Variants in PTPRG observed in about 807,000 individuals in gnomAD.
PTPRG encodes the protein protein tyrosine phosphatase receptor type G.
PTPRG carries 102 observed loss-of-function variants against 165.3 expected under a neutral mutation model. That is an observed-to-expected ratio of 0.62 (90% confidence interval 0.53 to 0.73). The LOEUF (loss-of-function observed/expected upper bound fraction) is 0.73, where lower values mean the gene tolerates loss of function less well. PTPRG is among the 30% of genes least tolerant of loss of function. The pLI is 0.00. For synonymous variants in PTPRG, 675 were observed against 669.5 expected (o/e 1.01, Z -0.13); for missense variants, 1,866 against 1,861.4 (o/e 1.00, Z -0.05).
At position 62,224,184 on chromosome 3, in the gene PTPRG, G is replaced by T. The variant is rs1700711554; in HGVS notation, c.2288+5201G>T. Among the ~76,000 whole-genome samples, 1 of 152,126 alleles carries T rather than the reference G, an allele frequency of 6.6e-6. No individual in the cohort carries two copies. Among genetic ancestry groups the T allele is most frequent in the Non-Finnish European group, 1.5e-5 (1 of 68,020 alleles). On this transcript the variant is annotated intron_variant, in intron 13 of 29. Transcript: ENST00000474889. This position sits in a 1 kb window ranked among gnomAD's most constrained non-coding sequence, Gnocchi z 4.9. ...GACCCCACTCCCACCCGCAACCCCA[G>T]GAAACAACTCTGAAGCCCAGTGGCC...
chr3:61,855,446 T>G (rs753559030), intron 2 of PTPRG, among the ~76,000 whole-genome samples: 7 of 152,102 alleles, frequency 4.6e-5, no homozygotes, highest in Non-Finnish European at 5.9e-5. Flanking sequence ...CCAAGTCTGG[T>G]GGTTTTCAAA....
chr3:61,914,882 C>T (rs1559685978), intron 2 of PTPRG, among the ~76,000 whole-genome samples: 1 of 152,286 alleles, frequency 6.6e-6, no homozygotes, highest in East Asian at 1.9e-4. Context: ...TTTTATTTTT[C>T]TCCAAATGTT....
intron 1 of PTPRG, among the ~76,000 whole-genome samples, chr3:61,712,326 T>C (rs2031605715): frequency 1.3e-5 from 2 of 149,588 alleles, no homozygotes; most frequent in Non-Finnish European, 3.0e-5. Flanking sequence ...TCACAGCGGC[T>C]TAAGACTTTT....
intron 1 of PTPRG, among the ~76,000 whole-genome samples, chr3:61,586,335 G>T (rs1221962787): frequency 6.6e-6 from 1 of 152,134 alleles, no homozygotes. Flanking sequence ...TATGATGGAG[G>T]CACTGGGGAC....
At chr3:62,105,291 T>G (rs1471422317) in intron 5 of PTPRG, among the ~76,000 whole-genome samples, 2 of 152,220 alleles carry the variant, frequency 1.3e-5, no homozygotes, top group African/African-American at 4.8e-5. Flanking sequence ...GCCAAATAGC[T>G]ATATTAATGT....
chr3:61,904,625 C>T (rs1041496231), intron 2 of PTPRG, among the ~76,000 whole-genome samples: 1 of 152,180 alleles, frequency 6.6e-6, no homozygotes, highest in Admixed American at 6.5e-5. Flanking sequence ...CTAACTCTTA[C>T]ATAACAGCTG....
intron 2 of PTPRG, among the ~76,000 whole-genome samples, chr3:61,954,146 A>G (rs2039967670): frequency 6.6e-6 from 1 of 152,106 alleles, no homozygotes; most frequent in African/African-American, 2.4e-5. Flanking sequence ...TTCAGCACCT[A>G]AATCCCTTCC....
At position 62,175,717 on chromosome 3, in the gene PTPRG, A is replaced by G. The variant is rs141856988; in HGVS notation, c.1033+7554A>G. On this transcript the variant is annotated intron_variant, in intron 8 of 29. Transcript: ENST00000474889. The stretch of plus-strand genomic sequence containing the variant: ...ACAAGTCCACTGATGATGGGCTTCA[A>G]TGTTGTCCCAAAGGGAATCAAATCA... 2.3e-3 allele frequency among the ~76,000 whole-genome samples: 343 copies of G among 152,336 alleles called. 2 individuals are homozygous for G. Among genetic ancestry groups the G allele is most frequent in the African/African-American group, 7.4e-3 (306 of 41,574 alleles).
chr3:62,281,538 C>CTATTTTTTTTTTTTTTTTTTTTTTTT, intron 26 of PTPRG, 25 bp from the exon 27 acceptor site: 1 of 620,526 alleles, frequency 1.6e-6, no homozygotes, highest in Admixed American at 1.1e-4. Context: ...ACTGCAGAGG[C>CTATTTTTTTTTTTTTTTTTTTTTTTT]TTTTTTTTTT....
intron 5 of PTPRG, among the ~76,000 whole-genome samples, chr3:62,086,853 A>G (rs1388359102): frequency 1.3e-5 from 2 of 149,124 alleles, no homozygotes; most frequent in South Asian, 2.1e-4. Context: ...TTTATAGCCT[A>G]TCAGGTGTTT....
intron 6 of PTPRG, among the ~76,000 whole-genome samples, chr3:62,156,064 A>G (rs977639147): frequency 6.6e-6 from 1 of 152,214 alleles, no homozygotes. Flanking sequence ...AAGAAGCTAG[A>G]TAGTTTACTG....
At chr3:61,648,063 CATG>C (rs1702252810) in intron 1 of PTPRG, among the ~76,000 whole-genome samples, 1 of 152,106 alleles carries the variant, frequency 6.6e-6, no homozygotes, top group Non-Finnish European at 1.5e-5. Flanking sequence ...GCTGCAACTT[CATG>C]ATAAGTGGAG....
intron 1 of PTPRG, among the ~76,000 whole-genome samples, chr3:61,714,396 C>T (rs936994244): frequency 1.3e-5 from 2 of 152,142 alleles, no homozygotes; most frequent in African/African-American, 2.4e-5. Context: ...TGTCCTTAGT[C>T]TGTTCTTCCT....
intron 2 of PTPRG, among the ~76,000 whole-genome samples, chr3:61,882,143 C>T (rs2037905332): frequency 6.6e-6 from 1 of 152,128 alleles, no homozygotes; most frequent in Non-Finnish European, 1.5e-5. Context: ...AAACTGTGAA[C>T]AACTTTCTGA....
intron 4 of PTPRG, among the ~76,000 whole-genome samples, chr3:62,034,294 T>C (rs189595806): frequency 6.6e-6 from 1 of 152,260 alleles, no homozygotes; most frequent in Non-Finnish European, 1.5e-5. Context: ...TTCAAACTCA[T>C]GTTATTAAAG....
At chr3:62,043,912 G>A (rs532162503) in intron 4 of PTPRG, among the ~76,000 whole-genome samples, 3 of 152,040 alleles carry the variant, frequency 2.0e-5, no homozygotes, top group Non-Finnish European at 4.4e-5. Context: ...ATATCATAGG[G>A]GCCTAGTGCA....
chr3:61,721,569 A>G (rs1228415986), intron 1 of PTPRG, among the ~76,000 whole-genome samples: 1 of 152,234 alleles, frequency 6.6e-6, no homozygotes, highest in Non-Finnish European at 1.5e-5. Flanking sequence ...ACAATAATTT[A>G]ACAAGAAGAA....
In PTPRG at chr3:61,910,526, T is replaced by A. The variant is rs1244898659; in HGVS notation, c.191-79099T>A. 3.3e-5 allele frequency among the ~76,000 whole-genome samples: 5 copies of A among 152,208 alleles called. No homozygotes were observed. The East Asian group carries it at 9.6e-4, about 29-fold the overall frequency. ...CTTTAACCACTGGATTTTCCTCTCC[T>A]GGATATTGCCTGTTCCAATTTGTTC... On this transcript the variant is annotated intron_variant, in intron 2 of 29. Transcript: ENST00000474889.
intron 5 of PTPRG, among the ~76,000 whole-genome samples, chr3:62,103,922 ACTCG>A (rs1162468793): frequency 6.6e-6 from 1 of 152,188 alleles, no homozygotes; most frequent in African/African-American, 2.4e-5. Flanking sequence ...TCAACCTCTC[ACTCG>A]CTATTCTCAC....
Sources: allele counts gnomAD v4.1 joint callset (sites outside exome capture counted in the v4.1 genomes callset), GRCh38; gene constraint gnomAD v4.1.1; non-coding constraint Gnocchi (gnomAD v3.1); transcripts MANE v1.5; gene names NCBI Gene and HGNC (gene_info 2026-07-23, HGNC 2026-07-21).